Variants in ADAT3 observed in about 807,000 individuals in gnomAD.
ADAT3 encodes the protein tRNA-specific adenosine-34 deaminase regulatory subunit ADAT3.
ADAT3 carries 2 observed loss-of-function variants against 3.5 expected under a neutral mutation model. The observed-to-expected ratio is 0.57, with a 90% CI of 0.23 to 1.79. The LOEUF is 1.79. ADAT3 is among the 40% of genes most tolerant of loss of function. ADAT3 has a pLI of 0.18. For missense variants in ADAT3, 735 were observed against 571.4 expected (o/e 1.29, Z -2.92); for synonymous variants, 358 against 270.3 (o/e 1.32, Z -3.18).
chr19:1,913,199 G>T lies in ADAT3; in HGVS notation c.*48G>T, dbSNP rs1187826787. The T allele has an allele frequency of 6.8e-7, 1 of 1,466,396 alleles. No homozygotes were observed. The highest frequency in any genetic ancestry group is 2.5e-5 in the Admixed American group (1 of 40,332). The allele number at this position is 1,466,396 out of a possible 1,614,324, so 90.8% of individuals were successfully genotyped here. A position where few individuals can be genotyped will look rare whatever the true frequency, so the allele number is the denominator to read the frequency against. On this transcript the variant is annotated 3_prime_UTR_variant, in exon 2 of 2. Coordinates refer to ENST00000329478, the MANE Select transcript of ADAT3 (RefSeq NM_138422.4). ...CCCTTCCCGCTCCCGGCCGTGGGGC[G>T]CCCCTCCTGGACTTCCGGGCCTCGA...
chr19:1,906,429 C>A (rs542421158), intron 1 of ADAT3: 62 of 152,206 alleles, frequency 4.1e-4, no homozygotes, highest in African/African-American at 1.5e-3. Context: ...GTCCCAGCTA[C>A]TTGGGAGGCT....
In ADAT3 at chr19:1,912,347, C is replaced by A; in HGVS notation, c.300C>A (p.Ala100=). 1 of 1,532,072 alleles carries A rather than the reference C, an allele frequency of 6.5e-7. No homozygotes were observed. The highest frequency in any genetic ancestry group is 8.7e-7 in the Non-Finnish European group (1 of 1,147,330). The allele number at this position is 1,532,072 out of a possible 1,614,324, so 94.9% of individuals were successfully genotyped here. The change falls in exon 2 of 2, where the codon GCC becomes GCA. Residue 100 remains alanine, a synonymous_variant. Coordinates refer to ENST00000329478, the MANE Select transcript of ADAT3 (RefSeq NM_138422.4). ...AGCGGGTGCGGCCCAGCCGCGATGCCGGCAGCCCCCACGCCCTGGAGATGC... is the reference window on the plus strand; with the variant it reads ...AGCGGGTGCGGCCCAGCCGCGATGCAGGCAGCCCCCACGCCCTGGAGATGC... ...HLKRVRPSRD[A]GSPHALEMLL... is the part of the protein sequence containing the mutation.
Position 1,908,827 on chromosome 19 carries a change from G to C in ADAT3, c.-158-3063G>C, listed in dbSNP as rs1050799918. Among the ~76,000 whole-genome samples the C allele has an allele frequency of 6.6e-6, 1 of 152,240 alleles. No homozygotes were observed. The highest frequency in any genetic ancestry group is 1.9e-4 in the East Asian group (1 of 5,174). On this transcript the variant is annotated intron_variant, in intron 1 of 1. Coordinates refer to ENST00000329478, the MANE Select transcript of ADAT3 (RefSeq NM_138422.4). This position sits in a 1 kb window ranked among gnomAD's most constrained non-coding sequence, Gnocchi z 4.2. ...TTATACTTTTAAGCAATGTGGGCTG[G>C]GCACGGTGGCTCACACCTGTAATCC...
Position 1,908,583 on chromosome 19 carries a change from C to T in ADAT3, c.-159+3144C>T, listed in dbSNP as rs757738047. Reference sequence around the variant, plus strand: ...ATTTTAAGATCATCTGCGGCTTAGCCCCAGCACCATCTGAGGCAGTACTGT... The same window carrying T: ...ATTTTAAGATCATCTGCGGCTTAGCTCCAGCACCATCTGAGGCAGTACTGT... On this transcript the variant is annotated intron_variant, in intron 1 of 1. Transcript: ENST00000329478. This position sits in a 1 kb window ranked among gnomAD's most constrained non-coding sequence, Gnocchi z 4.2. The T allele has an allele frequency of 2.1e-6, 1 of 471,094 alleles. No homozygotes were observed. Among genetic ancestry groups the T allele is most frequent in the East Asian group, 6.9e-5 (1 of 14,400 alleles). The allele number at this position is 471,094 out of a possible 1,614,324, so 29.2% of individuals were successfully genotyped here.
Position 1,912,803 on chromosome 19 carries a change from G to C in ADAT3, c.756G>C (p.Gln252His). The C allele has an allele frequency of 1.3e-6, 2 of 1,578,188 alleles. No individual in the cohort carries two copies. Among genetic ancestry groups the C allele is most frequent in the Non-Finnish European group, 1.7e-6 (2 of 1,170,590 alleles). Residue 252 changes from glutamine to histidine, a missense_variant, in exon 2 of 2, where the codon CAG becomes CAC. Gln to His is a conservative substitution (Grantham distance 24). Coordinates refer to ENST00000329478, the MANE Select transcript of ADAT3 (RefSeq NM_138422.4). The stretch of plus-strand genomic sequence containing the variant: ...GCGTGGACCTCGTGGCGCGCGGCCA[G>C]GGCCGCGGCACCTACGACTTCAGAC... ...MVCVDLVARG[Q>H]GRGTYDFRPF...
rs548297188 is a variant in ADAT3, at chr19:1,908,987, C to A, written c.-158-2903C>A. Among the ~76,000 whole-genome samples the A allele has an allele frequency of 6.6e-6, 1 of 152,110 alleles. No homozygotes were observed. Among genetic ancestry groups the A allele is most frequent in the Admixed American group, 6.5e-5 (1 of 15,284 alleles). On this transcript the variant is annotated intron_variant, in intron 1 of 1. Transcript: ENST00000329478. This position sits in a 1 kb window ranked among gnomAD's most constrained non-coding sequence, Gnocchi z 4.2. ...GGGCGTGGTGGCATGTGCCTGTATT[C>A]CCAGCTACTAGGGGGGCTGAGGCAG...
intron 1 of ADAT3, chr19:1,907,316 C>T (rs1017723281): frequency 2.0e-5 from 3 of 151,774 alleles, no homozygotes; most frequent in Non-Finnish European, 4.4e-5. Context: ...TCCGAGGAGC[C>T]CTCCTGGATT....
chr19:1,910,080 A>G (rs2013357204), intron 1 of ADAT3, among the ~76,000 whole-genome samples: 1 of 151,826 alleles, frequency 6.6e-6, no homozygotes, highest in Non-Finnish European at 1.5e-5. Flanking sequence ...TGCATAGCAG[A>G]CTCCGTGCAT....
At chr19:1,910,571 G>A (rs2013387387) in intron 1 of ADAT3, among the ~76,000 whole-genome samples, 1 of 139,462 alleles carries the variant, frequency 7.2e-6, no homozygotes, top group African/African-American at 2.7e-5. Context: ...GGTTTTTGAG[G>A]TGTCTTTTTT....
chr19:1,913,254 TC>T lies in ADAT3; in HGVS notation c.*104del, dbSNP rs2013596693. The T allele has an allele frequency of 1.4e-5, 20 of 1,424,510 alleles. No individual in the cohort carries two copies. Among genetic ancestry groups the T allele is most frequent in the Non-Finnish European group, 1.9e-5 (20 of 1,078,692 alleles). 88.2% of individuals were successfully genotyped at this position (1,424,510 alleles called of 1,614,324 possible). A position where few individuals can be genotyped will look rare whatever the true frequency, so the allele number is the denominator to read the frequency against. On this transcript the variant is annotated 3_prime_UTR_variant, in exon 2 of 2. Transcript: ENST00000329478. ...TTCCGCACAAGCCTGACCGTGGATT[TC>T]AGGGACACATACCGCCTCCAGCGGG...
chr19:1,912,157 C>A lies in ADAT3; in HGVS notation c.110C>A (p.Pro37His). The change falls in exon 2 of 2, where the codon CCT becomes CAT. Residue 37 changes from proline to histidine, a missense_variant. Transcript: ENST00000329478. ...TGCTTGGAGGCCGGGAGCCCGGAGC[C>A]TGAGCCGGCGCCGTGGCAGGCCCTC... is the stretch of plus-strand genomic sequence containing the variant. Reference protein sequence around the residue: ...PKCLEAGSPEPEPAPWQALPV... With the variant: ...PKCLEAGSPEHEPAPWQALPV... The A allele has an allele frequency of 6.4e-7, 1 of 1,569,576 alleles. No individual in the cohort carries two copies. Among genetic ancestry groups the A allele is most frequent in the Non-Finnish European group, 8.6e-7 (1 of 1,162,734 alleles).
intron 1 of ADAT3, among the ~76,000 whole-genome samples, chr19:1,911,657 C>T (rs2013454796): frequency 6.6e-6 from 1 of 152,186 alleles, no homozygotes; most frequent in Non-Finnish European, 1.5e-5. Flanking sequence ...GTGGCGCATG[C>T]CTGTAATCCC....
chr19:1,911,808 AAG>A, intron 1 of ADAT3, 80 bp from the exon 2 acceptor site: 1 of 422,216 alleles, frequency 2.4e-6, no homozygotes, highest in East Asian at 3.6e-5. Context: ...ATAAAAAAAA[AAG>A]AAAATGATCT....
Position 1,913,206 on chromosome 19 carries a change from C to T in ADAT3, c.*55C>T, listed in dbSNP as rs2013593636. 1.4e-6 allele frequency: 2 copies of T among 1,461,812 alleles called. No homozygotes were observed. The highest frequency in any genetic ancestry group is 1.4e-5 in the African/African-American group (1 of 70,448). 90.6% of individuals were successfully genotyped at this position (1,461,812 alleles called of 1,614,324 possible). A position where few individuals can be genotyped will look rare whatever the true frequency, so the allele number is the denominator to read the frequency against. On this transcript the variant is annotated 3_prime_UTR_variant, in exon 2 of 2. Coordinates refer to ENST00000329478, the MANE Select transcript of ADAT3 (RefSeq NM_138422.4). Reference sequence around the variant, plus strand: ...CGCTCCCGGCCGTGGGGCGCCCCTCCTGGACTTCCGGGCCTCGATTTCTTC... The same window carrying T: ...CGCTCCCGGCCGTGGGGCGCCCCTCTTGGACTTCCGGGCCTCGATTTCTTC...
rs1222153808 is a variant in ADAT3, at chr19:1,908,534, G to A, written c.-159+3095G>A. ...CGGGGATGTGTAGTCCAGGCTGGCA[G>A]TTCAGGATCACCCGGCTGGAGTCAT... On this transcript the variant is annotated intron_variant, in intron 1 of 1. Coordinates refer to ENST00000329478, the MANE Select transcript of ADAT3 (RefSeq NM_138422.4). This position sits in a 1 kb window ranked among gnomAD's most constrained non-coding sequence, Gnocchi z 4.2. 1 of 471,184 alleles carries A rather than the reference G, an allele frequency of 2.1e-6. No individual in the cohort carries two copies. The highest frequency in any genetic ancestry group is 6.9e-5 in the East Asian group (1 of 14,402). 29.2% of individuals were successfully genotyped at this position (471,184 alleles called of 1,614,324 possible).
chr19:1,909,938 C>T (rs902723815), intron 1 of ADAT3, among the ~76,000 whole-genome samples: 1 of 152,236 alleles, frequency 6.6e-6, no homozygotes, highest in Non-Finnish European at 1.5e-5. Flanking sequence ...CTTTTCCTAG[C>T]CCTTGGCCGA....
rs371608602 is a variant in ADAT3, at chr19:1,913,013, C to T, written c.966C>T (p.Val322=). Residue 322 remains valine (V), a synonymous_variant, in exon 2 of 2, where the codon GTC becomes GTT. Coordinates refer to ENST00000329478, the MANE Select transcript of ADAT3 (RefSeq NM_138422.4). ...TGGTGCACGCACGCATCCTGCGCGT[C>T]TTCTACGGTGCGCCCTCGCCCGACG... The part of the protein sequence containing the change: ...MALVHARILR[V]FYGAPSPDGA... The T allele has an allele frequency of 7.8e-5, 125 of 1,606,780 alleles. No homozygotes were observed. Among genetic ancestry groups the T allele is most frequent in the Non-Finnish European group, 1.0e-4 (123 of 1,179,322 alleles).
intron 1 of ADAT3, among the ~76,000 whole-genome samples, chr19:1,907,820 G>C (rs900525820): frequency 5.3e-5 from 8 of 152,176 alleles, no homozygotes; most frequent in African/African-American, 1.9e-4. Flanking sequence ...CCTGCTGTTG[G>C]GGGGCAGTCG....
chr19:1,910,510 C>T (rs1405896878), intron 1 of ADAT3, among the ~76,000 whole-genome samples: 2 of 151,384 alleles, frequency 1.3e-5, no homozygotes, highest in Non-Finnish European at 2.9e-5. Flanking sequence ...GTGATGGTTG[C>T]ACAACTCCAA....
Sources: allele counts gnomAD v4.1 joint callset (sites outside exome capture counted in the v4.1 genomes callset), GRCh38; gene constraint gnomAD v4.1.1; non-coding constraint Gnocchi (gnomAD v3.1); transcripts MANE v1.5; gene names NCBI Gene and HGNC (gene_info 2026-07-23, HGNC 2026-07-21).